The following GPATCH8 variants were observed in gnomAD, a reference collection of about 807,000 sequenced individuals.
The protein encoded by GPATCH8 is G patch domain-containing protein 8.
Under a neutral mutation model 118.3 loss-of-function variants are expected in GPATCH8, and 18 were observed. The observed-to-expected ratio is 0.15, with a 90% CI of 0.11 to 0.23. GPATCH8 has a LOEUF of 0.23. GPATCH8 is among the 10% of genes least tolerant of loss of function. The pLI is 1.00. For synonymous variants in GPATCH8, 659 were observed against 684.7 expected, an observed-to-expected ratio of 0.96 and a Z score of 0.59; for missense variants, 1,631 against 1,873.8, an observed-to-expected ratio of 0.87 and a Z score of 2.39.
intron 6 of GPATCH8, among the ~76,000 whole-genome samples, chr17:44,421,172 C>CT: frequency 2.0e-5 from 3 of 151,748 alleles, no homozygotes; most frequent in East Asian, 4.0e-4. Flanking sequence ...CTAGTTAAAA[C>CT]TTTTTTTTCT....
chr17:44,433,016 C>A (rs1436163322), intron 5 of GPATCH8, among the ~76,000 whole-genome samples: 1 of 151,554 alleles, frequency 6.6e-6, no homozygotes, highest in Admixed American at 6.6e-5. Flanking sequence ...TATTTTTTTT[C>A]TTTTTTCTTT....
intron 5 of GPATCH8, among the ~76,000 whole-genome samples, chr17:44,429,952 C>T (rs2050244127): frequency 6.6e-6 from 1 of 152,026 alleles, no homozygotes; most frequent in Non-Finnish European, 1.5e-5. Flanking sequence ...TTGCTTGAAC[C>T]CGGGAGGCAC....
chr17:44,472,550 T>C (rs757913914), intron 2 of GPATCH8, among the ~76,000 whole-genome samples: 1 of 152,200 alleles, frequency 6.6e-6, no homozygotes, highest in South Asian at 2.1e-4. Context: ...TCATCTAAAT[T>C]TACTGCTACT....
Position 44,486,843 on chromosome 17 carries a change from T to C in GPATCH8, c.46-11940A>G, listed in dbSNP as rs1968821107. 3 of 152,192 alleles carry C rather than the reference T, an allele frequency of 2.0e-5. No individual in the cohort carries two copies. The South Asian group carries it at 6.2e-4, about 32-fold the overall frequency. The allele number at this position is 152,192 out of a possible 1,614,324, so 9.4% of individuals were successfully genotyped here. A position where few individuals can be genotyped will look rare whatever the true frequency, so the allele number is the denominator to read the frequency against. ...GTGCTTTAGAAATACTGAATATGAGTTTATTGTAATTATTAACTTTTGTGA... is the reference window on the plus strand; with the variant it reads ...GTGCTTTAGAAATACTGAATATGAGCTTATTGTAATTATTAACTTTTGTGA... On this transcript the variant is annotated intron_variant, in intron 1 of 7. Coordinates refer to ENST00000591680, the MANE Select transcript of GPATCH8 (RefSeq NM_001002909.4).
At chr17:44,417,409 G>A (rs530439170) in intron 6 of GPATCH8, among the ~76,000 whole-genome samples, 1 of 152,246 alleles carries the variant, frequency 6.6e-6, no homozygotes, top group South Asian at 2.1e-4. Context: ...TGTAGAGACC[G>A]GGTTTTGCCA....
intron 1 of GPATCH8, among the ~76,000 whole-genome samples, chr17:44,491,978 T>C (rs1969282030): frequency 6.6e-6 from 1 of 152,122 alleles, no homozygotes; most frequent in Non-Finnish European, 1.5e-5. Flanking sequence ...GGATTATTAG[T>C]GTCATTTCAC....
chr17:44,472,781 C>T (rs1216101305), intron 2 of GPATCH8, among the ~76,000 whole-genome samples: 5 of 151,072 alleles, frequency 3.3e-5, no homozygotes, highest in Non-Finnish European at 5.9e-5. Context: ...CTGCAATCTC[C>T]GCCTCCCAGG....
In GPATCH8 at chr17:44,424,530, A is replaced by G. The variant is rs756142689; in HGVS notation, c.349-38T>C. On this transcript the variant is annotated intron_variant, in intron 5 of 7. Transcript: ENST00000591680. ...TGAAATACAAAGAAACAAAAAATGA[A>G]CTTGGTAAAACTTTAAGTGAATGTT... The G allele has an allele frequency of 4.8e-6, 7 of 1,457,440 alleles. 1 individual carries two copies. The South Asian group carries it at 8.0e-5, about 17-fold the overall frequency. The allele number at this position is 1,457,440 out of a possible 1,614,324, so 90.3% of individuals were successfully genotyped here. A position where few individuals can be genotyped will look rare whatever the true frequency, so the allele number is the denominator to read the frequency against.
At chr17:44,472,656 T>C (rs1967383097) in intron 2 of GPATCH8, among the ~76,000 whole-genome samples, 1 of 152,126 alleles carries the variant, frequency 6.6e-6, no homozygotes, top group Non-Finnish European at 1.5e-5. Flanking sequence ...GACAGCTCTG[T>C]CTTAAACTTA....
At position 44,399,675 on chromosome 17, in the gene GPATCH8, G is replaced by C. The variant is rs764030410; in HGVS notation, c.2402C>G (p.Thr801Ser). 1 of 1,614,136 alleles carries C rather than the reference G, an allele frequency of 6.2e-7. No individual in the cohort carries two copies. Among genetic ancestry groups the C allele is most frequent in the Non-Finnish European group, 8.5e-7 (1 of 1,179,988 alleles). Reference protein sequence around the residue: ...PPSSCQRRAGTKRSSRSSHRS... With the variant: ...PPSSCQRRAGSKRSSRSSHRS... ...ATGGCTAGACCGGCTGCTCCGTTTG[G>C]TGCCTGCTCTTCGCTGGCAGGATGA... The change falls in exon 8 of 8, where the codon ACC (threonine) becomes AGC (serine). Residue 801 changes from threonine (T) to serine (S), a missense_variant. By Grantham distance (58) the Thr-to-Ser change is moderately conservative (BLOSUM62 1). Around this residue, in one of 8 missense-constraint regions of GPATCH8, gnomAD observed 922 missense variants for 879.7 expected, o/e 1.05. Coordinates refer to ENST00000591680, the MANE Select transcript of GPATCH8 (RefSeq NM_001002909.4).
At chr17:44,423,514 G>A (rs969147200) in intron 6 of GPATCH8, among the ~76,000 whole-genome samples, 9 of 152,080 alleles carry the variant, frequency 5.9e-5, no homozygotes, top group African/African-American at 2.2e-4. Context: ...GTCCAGCTTA[G>A]GAGACATCAT....
chr17:44,413,429 C>G (rs138155788), intron 6 of GPATCH8, among the ~76,000 whole-genome samples: 3,612 of 152,210 alleles, frequency 0.024, 63 homozygotes, highest in Non-Finnish European at 0.036. Flanking sequence ...CACCACCATG[C>G]CCGGCTAATT....
At chr17:44,465,093 A>AATAAT (rs148261873) in intron 2 of GPATCH8, 12 of 148,508 alleles carry the variant, frequency 8.1e-5, no homozygotes, top group African/African-American at 2.5e-4. Flanking sequence ...TGGTTTAAAA[A>AATAAT]AATAATATAT....
At chr17:44,502,068 T>G (rs937367599) in intron 1 of GPATCH8, among the ~76,000 whole-genome samples, 1 of 152,148 alleles carries the variant, frequency 6.6e-6, no homozygotes, top group East Asian at 1.9e-4. Context: ...AGGCGCATGA[T>G]CACAAGGCTT....
At chr17:44,502,778 T>C (rs1970186291) in intron 1 of GPATCH8, among the ~76,000 whole-genome samples, 1 of 152,174 alleles carries the variant, frequency 6.6e-6, no homozygotes, top group Non-Finnish European at 1.5e-5. Context: ...AATGTATGAC[T>C]AACCAATAAG....
chr17:44,399,301 G>A lies in GPATCH8; in HGVS notation c.2776C>T (p.His926Tyr). ...TCATCATCAGAAGATGAATATTTGT[G>A]CCGTTTTGATCGGTGTTTGGAGCTG... ...YASSKHRSKR[H>Y]KYSSSDDDYS... is the part of the protein sequence containing the mutation. Residue 926 changes from histidine to tyrosine, a missense_variant, in exon 8 of 8, where the codon CAC (histidine) becomes TAC (tyrosine). Physicochemically the swap from His to Tyr is moderately conservative, Grantham distance 83 (BLOSUM62 2). This residue lies in a region of GPATCH8 where 922 missense variants were observed against 879.7 expected (regional missense o/e 1.05). Coordinates refer to ENST00000591680, the MANE Select transcript of GPATCH8 (RefSeq NM_001002909.4). The A allele has an allele frequency of 6.2e-7, 1 of 1,613,978 alleles. No homozygotes were observed. The highest frequency in any genetic ancestry group is 8.5e-7 in the Non-Finnish European group (1 of 1,179,818).
intron 3 of GPATCH8, among the ~76,000 whole-genome samples, chr17:44,437,989 C>A (rs1358453016): frequency 6.0e-5 from 9 of 149,150 alleles, no homozygotes; most frequent in Non-Finnish European, 1.0e-4. Flanking sequence ...ATACAGCCTT[C>A]TTTTAGATAC....
At chr17:44,413,727 C>T (rs1327021306) in intron 6 of GPATCH8, among the ~76,000 whole-genome samples, 2 of 152,174 alleles carry the variant, frequency 1.3e-5, no homozygotes, top group Non-Finnish European at 2.9e-5. Context: ...TCCAGCAATT[C>T]TCCTGCCTCA....
In GPATCH8 at chr17:44,396,759, C is replaced by T. The variant is rs1435764508; in HGVS notation, c.*809G>A. 1 of 453,536 alleles carries T rather than the reference C, an allele frequency of 2.2e-6. No homozygotes were observed. Among genetic ancestry groups the T allele is most frequent in the African/African-American group, 2.0e-5 (1 of 49,772 alleles). 28.1% of individuals were successfully genotyped at this position (453,536 alleles called of 1,614,324 possible). ...AAGCAGCATTTACGTTTATAGAGTT[C>T]AGTGCAATTTTTTACATTAAAAAAA... On this transcript the variant is annotated 3_prime_UTR_variant, in exon 8 of 8. Coordinates refer to ENST00000591680, the MANE Select transcript of GPATCH8 (RefSeq NM_001002909.4).
Sources: gnomAD v4.1 joint callset for allele counts (sites outside exome capture counted in the v4.1 genomes callset) on GRCh38, gnomAD v4.1.1 for gene constraint, gnomAD v4.1.1 regional missense constraint, MANE v1.5 for transcripts, NCBI Gene and HGNC (gene_info 2026-07-23, HGNC 2026-07-21) for gene names.